ATAD2B: variants seen among roughly 807,000 people sequenced by gnomAD.
The protein encoded by ATAD2B is ATPase family AAA domain-containing protein 2B.
ATAD2B carries 40 observed loss-of-function variants against 167.6 expected under a neutral mutation model. The observed-to-expected ratio is 0.24, with a 90% CI of 0.19 to 0.31. The LOEUF (loss-of-function observed/expected upper bound fraction) is 0.31. Among genes scored for constraint, ATAD2B ranks in the 10% least tolerant of loss-of-function variants. The pLI, the probability that ATAD2B is intolerant of heterozygous loss-of-function variation, is 1.00. For synonymous variants in ATAD2B, 579 were observed against 596.5 expected (o/e 0.97, Z 0.43); for missense variants, 1,242 against 1,757.2 (o/e 0.71, Z 5.24).
At chr2:23,889,093 C>T (rs563873302) in intron 2 of ATAD2B, among the ~76,000 whole-genome samples, 114 of 152,182 alleles carry the variant, frequency 7.5e-4, no homozygotes, top group African/African-American at 2.7e-3. Flanking sequence ...TTGAAATATC[C>T]AACAATTATT....
chr2:23,811,656 T>C (rs1437054402), intron 17 of ATAD2B, among the ~76,000 whole-genome samples: 1 of 151,986 alleles, frequency 6.6e-6, no homozygotes, highest in Non-Finnish European at 1.5e-5. Context: ...AGATGACGGG[T>C]TGATAGGTGC....
At chr2:23,778,146 C>T (rs929865614) in intron 22 of ATAD2B, among the ~76,000 whole-genome samples, 2 of 151,842 alleles carry the variant, frequency 1.3e-5, no homozygotes, top group African/African-American at 4.8e-5. Context: ...AAAGAGGTTG[C>T]TTGATGAAAG....
chr2:23,830,312 C>T (rs1363983603), intron 14 of ATAD2B, among the ~76,000 whole-genome samples: 8 of 152,152 alleles, frequency 5.3e-5, no homozygotes, highest in Admixed American at 1.3e-4. Flanking sequence ...AAAACACTAA[C>T]ATATAAGAAT....
intron 21 of ATAD2B, among the ~76,000 whole-genome samples, chr2:23,784,134 T>C (rs1302020252): frequency 2.0e-5 from 3 of 152,082 alleles, no homozygotes; most frequent in African/African-American, 7.2e-5. Context: ...GCTTCTGGTA[T>C]TTGACATAAA....
Position 23,765,486 on chromosome 2 carries a change from A to G in ATAD2B, c.3256+20T>C, listed in dbSNP as rs1417774688. Reference sequence around the variant, plus strand: ...CAGAGCACACTAGGCTTCAGTACCAAGTTTATTTCTACAACTTACCTCTTT... The same window carrying G: ...CAGAGCACACTAGGCTTCAGTACCAGGTTTATTTCTACAACTTACCTCTTT... On this transcript the variant is annotated intron_variant, in intron 23 of 27. Coordinates refer to ENST00000238789, the MANE Select transcript of ATAD2B (RefSeq NM_017552.4). 3.8e-6 allele frequency: 6 copies of G among 1,595,716 alleles called. No individual in the cohort carries two copies. Among genetic ancestry groups the G allele is most frequent in the Non-Finnish European group, 5.1e-6 (6 of 1,168,848 alleles).
chr2:23,786,267 C>T (rs1360540558), intron 20 of ATAD2B, 44 bp from the exon 21 acceptor site: 43 of 1,449,298 alleles, frequency 3.0e-5, no homozygotes, highest in Non-Finnish European at 4.0e-5. Context: ...ACGTCGTGGG[C>T]CAGGACCCTT....
At chr2:23,698,522 C>A in the ATAD2B span, among the ~76,000 whole-genome samples, 2 of 151,964 alleles carry the variant, frequency 1.3e-5, no homozygotes, top group African/African-American at 4.8e-5. Context: ...ACTAATGGTA[C>A]AAATGGCTAT....
chr2:23,855,957 G>A (rs1303151002), intron 13 of ATAD2B: 1 of 152,342 alleles, frequency 6.6e-6, no homozygotes, highest in Non-Finnish European at 1.5e-5. Flanking sequence ...GGGAGCCTGA[G>A]GCGGGTGGAT....
At chr2:23,901,670 G>A (rs1464379956) in intron 1 of ATAD2B, among the ~76,000 whole-genome samples, 1 of 152,124 alleles carries the variant, frequency 6.6e-6, no homozygotes, top group Non-Finnish European at 1.5e-5. Context: ...AGGGCTCATG[G>A]TGAATTAAGT....
intron 1 of ATAD2B, among the ~76,000 whole-genome samples, chr2:23,903,430 T>C (rs1002584089): frequency 6.6e-6 from 1 of 152,084 alleles, no homozygotes; most frequent in African/African-American, 2.4e-5. Context: ...TGAAAAGATA[T>C]AGTCATCCCC....
the ATAD2B span, among the ~76,000 whole-genome samples, chr2:23,730,333 G>C: frequency 6.6e-6 from 1 of 152,102 alleles, no homozygotes; most frequent in East Asian, 1.9e-4. Flanking sequence ...GAAATCTCAA[G>C]GGAAAGTAGA....
intron 18 of ATAD2B, among the ~76,000 whole-genome samples, chr2:23,802,605 C>A (rs568431118): frequency 6.6e-6 from 1 of 150,818 alleles, no homozygotes; most frequent in African/African-American, 2.4e-5. Flanking sequence ...TGACACACTC[C>A]AGGTCAGGAT....
At chr2:23,719,749 G>A in the ATAD2B span, among the ~76,000 whole-genome samples, 4,923 of 152,226 alleles carry the variant, frequency 0.032, 99 homozygotes, top group Non-Finnish European at 0.051. Context: ...CCTGGCAGGA[G>A]TCCTGTCCTT....
chr2:23,735,941 G>T, the ATAD2B span, among the ~76,000 whole-genome samples: 22 of 152,166 alleles, frequency 1.4e-4, no homozygotes, highest in Admixed American at 4.6e-4. Context: ...CTAATATACT[G>T]GCCTAATGGA....
intron 2 of ATAD2B, among the ~76,000 whole-genome samples, chr2:23,888,887 T>G (rs1238091369): frequency 1.3e-5 from 2 of 152,226 alleles, no homozygotes; most frequent in Admixed American, 1.3e-4. Context: ...AGCTGATTTA[T>G]CGAAAGAGCC....
At chr2:23,859,597 A>C (rs1270076470) in intron 12 of ATAD2B, among the ~76,000 whole-genome samples, 1 of 152,160 alleles carries the variant, frequency 6.6e-6, no homozygotes, top group Admixed American at 6.5e-5. Flanking sequence ...AGTATCATTT[A>C]TCTTTTGAAT....
chr2:23,880,562 CAAAA>C (rs374010112), intron 7 of ATAD2B, 73 bp downstream of exon 7: 34 of 688,894 alleles, frequency 4.9e-5, no homozygotes, highest in South Asian at 9.1e-5. Flanking sequence ...GACTCTGTCT[CAAAA>C]AAAAAAAAAA....
chr2:23,884,102 C>T (rs1184479153), intron 6 of ATAD2B, among the ~76,000 whole-genome samples: 1 of 152,066 alleles, frequency 6.6e-6, no homozygotes, highest in Non-Finnish European at 1.5e-5. Context: ...CAAGATTGCG[C>T]CACTGTACTC....
intron 20 of ATAD2B, among the ~76,000 whole-genome samples, chr2:23,787,148 T>C (rs1412107493): frequency 6.6e-6 from 1 of 151,904 alleles, no homozygotes; most frequent in African/African-American, 2.4e-5. Context: ...TCACTATCTA[T>C]CCTAAGAAAA....
Sources: gnomAD v4.1 joint callset for allele counts (sites outside exome capture counted in the v4.1 genomes callset) on GRCh38, gnomAD v4.1.1 for gene constraint, MANE v1.5 for transcripts, NCBI Gene and HGNC (gene_info 2026-07-23, HGNC 2026-07-21) for gene names.